TAFA2: variants seen among roughly 807,000 people sequenced by gnomAD.
The protein encoded by TAFA2 is TAFA chemokine like family member 2.
A neutral mutation model predicts 18.8 loss-of-function variants in TAFA2; 7 were observed. The observed-to-expected ratio is 0.37, with a 90% CI of 0.21 to 0.70. The LOEUF (loss-of-function observed/expected upper bound fraction) is 0.70. Among genes scored for constraint, TAFA2 ranks in the 30% least tolerant of loss-of-function variants. The pLI is 0.53. For synonymous variants in TAFA2, 60 were observed against 54.2 expected (o/e 1.11, Z -0.47); for missense variants, 122 against 158.1 (o/e 0.77, Z 1.23).
intron 1 of TAFA2, among the ~76,000 whole-genome samples, chr12:61,888,188 T>C (rs2121290172): frequency 6.6e-6 from 1 of 152,296 alleles, no homozygotes; most frequent in Middle Eastern, 3.4e-3. Context: ...CTCAGGGATC[T>C]AGAACTAGAA....
intron 1 of TAFA2, among the ~76,000 whole-genome samples, chr12:61,891,614 C>G (rs1221746742): frequency 6.6e-6 from 1 of 151,932 alleles, no homozygotes; most frequent in East Asian, 1.9e-4. Context: ...TGCCATTGCA[C>G]TCCAGCCTGG....
chr12:62,030,065 A>G (rs531883695), intron 1 of TAFA2, among the ~76,000 whole-genome samples: 8 of 152,118 alleles, frequency 5.3e-5, no homozygotes, highest in Non-Finnish European at 1.2e-4. Context: ...AAGTCACCCA[A>G]GTGTATTTTA....
chr12:61,901,903 G>T (rs941122005), intron 1 of TAFA2, among the ~76,000 whole-genome samples: 21 of 152,024 alleles, frequency 1.4e-4, no homozygotes, highest in African/African-American at 4.8e-4. Flanking sequence ...ATATTTTCAT[G>T]CATACACATC....
At chr12:62,034,149 T>C (rs1385258599) in intron 1 of TAFA2, among the ~76,000 whole-genome samples, 1 of 152,196 alleles carries the variant, frequency 6.6e-6, no homozygotes, top group Non-Finnish European at 1.5e-5. Flanking sequence ...CATGACATGA[T>C]AAGCGGTGAT....
chr12:62,098,362 T>C (rs1345860593), intron 1 of TAFA2, among the ~76,000 whole-genome samples: 1 of 152,164 alleles, frequency 6.6e-6, no homozygotes, highest in African/African-American at 2.4e-5. Context: ...GAATCTTCCC[T>C]GACACTGATA....
intron 1 of TAFA2, among the ~76,000 whole-genome samples, chr12:62,251,654 T>A (rs563328155): frequency 1.3e-5 from 2 of 152,282 alleles, no homozygotes; most frequent in South Asian, 4.1e-4. Flanking sequence ...TGGGCTGTAA[T>A]TAATTTATAA....
chr12:62,166,255 T>C (rs2062438916), intron 1 of TAFA2, among the ~76,000 whole-genome samples: 2 of 152,152 alleles, frequency 1.3e-5, no homozygotes, highest in African/African-American at 4.8e-5. Flanking sequence ...AAATGGAAAA[T>C]TTGACAACAT....
chr12:62,118,102 G>T (rs1287476714), intron 1 of TAFA2, among the ~76,000 whole-genome samples: 1 of 152,050 alleles, frequency 6.6e-6, no homozygotes, highest in Non-Finnish European at 1.5e-5. Flanking sequence ...TGAATCTTCA[G>T]ATTTGAGGCA....
At chr12:61,867,820 C>CAA (rs1274110446) in intron 1 of TAFA2, among the ~76,000 whole-genome samples, 1 of 152,106 alleles carries the variant, frequency 6.6e-6, no homozygotes, top group Non-Finnish European at 1.5e-5. Flanking sequence ...ATTGCCAAGT[C>CAA]AAATGGACAG....
Position 62,049,524 on chromosome 12 carries a change from A to T in TAFA2, c.-2+141735T>A, listed in dbSNP as rs17125739. 6.9e-3 allele frequency among the ~76,000 whole-genome samples: 1,056 copies of T among 152,284 alleles called. 9 individuals carry two copies. The highest frequency in any genetic ancestry group is 0.024 in the African/African-American group (983 of 41,534). On this transcript the variant is annotated intron_variant, in intron 1 of 4. Transcript: ENST00000416284. ...AAGGGAACAAGCACATAGTGGGGAG[A>T]GCAACTAAAACATTTTCAGTTGAAT...
At chr12:62,135,040 C>G (rs1870840739) in intron 1 of TAFA2, among the ~76,000 whole-genome samples, 1 of 152,012 alleles carries the variant, frequency 6.6e-6, no homozygotes, top group Non-Finnish European at 1.5e-5. Flanking sequence ...TTAAAACCCC[C>G]TACTATTCAC....
chr12:62,250,715 T>C (rs1274475803), intron 1 of TAFA2, among the ~76,000 whole-genome samples: 1 of 152,242 alleles, frequency 6.6e-6, no homozygotes, highest in Non-Finnish European at 1.5e-5. Flanking sequence ...TCATGCTTTA[T>C]CTTTCTGGCA....
At chr12:61,953,261 A>T (rs1878532403) in intron 1 of TAFA2, among the ~76,000 whole-genome samples, 1 of 152,180 alleles carries the variant, frequency 6.6e-6, no homozygotes, top group Non-Finnish European at 1.5e-5. Context: ...TTGTAGTATT[A>T]TCATCCACCT....
At chr12:62,083,232 T>A (rs1376650060) in intron 1 of TAFA2, among the ~76,000 whole-genome samples, 1 of 151,690 alleles carries the variant, frequency 6.6e-6, no homozygotes, top group African/African-American at 2.4e-5. Context: ...TATGACCTGA[T>A]TTGCATATGA....
intron 2 of TAFA2, among the ~76,000 whole-genome samples, chr12:61,812,904 G>C: frequency 6.6e-6 from 1 of 151,198 alleles, no homozygotes; most frequent in East Asian, 1.9e-4. Context: ...ACTGAAGACA[G>C]TTCAGAAAAT....
intron 1 of TAFA2, among the ~76,000 whole-genome samples, chr12:62,071,665 G>C (rs1882634237): frequency 1.3e-5 from 2 of 152,188 alleles, no homozygotes; most frequent in Non-Finnish European, 2.9e-5. Flanking sequence ...GGACTCTAAA[G>C]AGAGTTGTAG....
At chr12:62,137,452 A>T (rs1007243228) in intron 1 of TAFA2, among the ~76,000 whole-genome samples, 1 of 152,144 alleles carries the variant, frequency 6.6e-6, no homozygotes, top group Non-Finnish European at 1.5e-5. Context: ...ACAAGGTCAC[A>T]CTGCTGGTTG....
At position 62,045,037 on chromosome 12, in the gene TAFA2, T is replaced by C. The variant is rs144701919; in HGVS notation, c.-2+146222A>G. ...TTTTTGCAGGGAAGAACAGACTGAA[T>C]CATCCGTTAGATATAGCAATAGCTT... On this transcript the variant is annotated intron_variant, in intron 1 of 4. Coordinates refer to ENST00000416284, the MANE Select transcript of TAFA2 (RefSeq NM_178539.5). 5.8e-3 allele frequency among the ~76,000 whole-genome samples: 880 copies of C among 152,274 alleles called. 3 individuals are homozygous for C. The highest frequency in any genetic ancestry group is 0.01 in the Non-Finnish European group (697 of 68,022).
intron 1 of TAFA2, among the ~76,000 whole-genome samples, chr12:61,871,229 A>G (rs1874588891): frequency 6.6e-6 from 1 of 152,240 alleles, no homozygotes; most frequent in Admixed American, 6.5e-5. Flanking sequence ...AAAGTGAAAC[A>G]TAATAGAGTG....
Sources: gnomAD v4.1 joint callset for allele counts (sites outside exome capture counted in the v4.1 genomes callset) on GRCh38, gnomAD v4.1.1 for gene constraint, MANE v1.5 for transcripts, NCBI Gene and HGNC (gene_info 2026-07-23, HGNC 2026-07-21) for gene names.